WDFY4: variants seen among roughly 807,000 people sequenced by gnomAD.
The protein encoded by WDFY4 is WDFY family member 4.
In WDFY4, 169 loss-of-function variants were observed where a neutral mutation model predicts 351.9. That is an observed-to-expected ratio of 0.48 (90% CI 0.42 to 0.55). WDFY4 has a LOEUF of 0.55. Among genes scored for constraint, WDFY4 ranks in the 20% least tolerant of loss-of-function variants. The pLI is 0.00. For missense variants in WDFY4, 3,803 were observed against 3,935.6 expected, an observed-to-expected ratio of 0.97 and a Z score of 0.90; for synonymous variants, 1,622 against 1,574.6, an observed-to-expected ratio of 1.03 and a Z score of -0.71.
Position 48,800,674 on chromosome 10 carries a change from CTTTCTT to C in WDFY4, c.4411-2610_4411-2605del, listed in dbSNP as rs1565213624. 6.4e-4 allele frequency among the ~76,000 whole-genome samples: 31 copies of C among 48,196 alleles called. No individual in the cohort carries two copies. The East Asian group carries it at 0.046, about 72-fold the overall frequency. 31.6% of individuals were successfully genotyped at this position (48,196 alleles called of 152,430 possible). On this transcript the variant is annotated intron_variant, in intron 24 of 61. Transcript: ENST00000325239. ...GCTTCTAAGTCTTAGGTTTTGGTTT[CTTTCTT>C]TCTTTCTTTCTTTCTTTCTTTCTTT...
At chr10:48,947,619 G>T (rs1192911363) in intron 51 of WDFY4, among the ~76,000 whole-genome samples, 2 of 152,208 alleles carry the variant, frequency 1.3e-5, no homozygotes, top group African/African-American at 2.4e-5. Flanking sequence ...CCAGGTTGGT[G>T]TCCAAGGCAT....
At chr10:48,724,339 A>G (rs2064193417) in intron 5 of WDFY4, among the ~76,000 whole-genome samples, 1 of 152,074 alleles carries the variant, frequency 6.6e-6, no homozygotes, top group Non-Finnish European at 1.5e-5. Context: ...ACATGTCCAC[A>G]TTGGCATCCA....
chr10:48,937,208 A>T (rs1311060416), intron 47 of WDFY4, among the ~76,000 whole-genome samples: 2 of 152,152 alleles, frequency 1.3e-5, no homozygotes, highest in Non-Finnish European at 2.9e-5. Flanking sequence ...TCAGATTTTT[A>T]ACGTATGTAC....
intron 31 of WDFY4, 151 bp downstream of exon 31, chr10:48,814,233 A>T: frequency 1.4e-6 from 1 of 730,480 alleles, no homozygotes; most frequent in Non-Finnish European, 1.7e-6. Context: ...TCCTAGAGTG[A>T]CTCAGGGGCA....
In WDFY4 at chr10:48,897,610, C is replaced by T. The variant is rs978799550; in HGVS notation, c.7437+36C>T. The T allele has an allele frequency of 5.2e-6, 8 of 1,535,306 alleles. 1 individual carries two copies. In the South Asian group the frequency reaches 6.0e-5, roughly 11 times the overall value. On this transcript the variant is annotated intron_variant, in intron 45 of 61. Transcript: ENST00000325239. ...TGGGTGCTGGCACGCCTGGGGCCTG[C>T]GAGAGGCAGGGCCATGGGACAGGTG...
At chr10:48,833,328 C>A (rs751346525) in intron 39 of WDFY4, among the ~76,000 whole-genome samples, 7 of 152,100 alleles carry the variant, frequency 4.6e-5, no homozygotes, top group Admixed American at 1.3e-4. Flanking sequence ...GTGGTTGGTG[C>A]TGGCTTTAGT....
At chr10:48,922,506 G>T (rs1839174582) in intron 47 of WDFY4, among the ~76,000 whole-genome samples, 1 of 152,186 alleles carries the variant, frequency 6.6e-6, no homozygotes, top group Non-Finnish European at 1.5e-5. Context: ...CTGTGAAGTT[G>T]AGAACAGTAA....
intron 58 of WDFY4, among the ~76,000 whole-genome samples, chr10:48,976,285 C>T (rs1842564696): frequency 1.3e-5 from 2 of 152,218 alleles, no homozygotes; most frequent in Admixed American, 6.5e-5. Context: ...CAAATGTGAG[C>T]ATATCAGGAG....
chr10:48,848,228 A>G (rs945075788), intron 39 of WDFY4, among the ~76,000 whole-genome samples: 1 of 152,148 alleles, frequency 6.6e-6, no homozygotes, highest in Non-Finnish European at 1.5e-5. Flanking sequence ...GGGCTCACAT[A>G]AGGATAGTAT....
At chr10:48,856,416 A>G (rs1484524348) in intron 39 of WDFY4, among the ~76,000 whole-genome samples, 1 of 151,860 alleles carries the variant, frequency 6.6e-6, no homozygotes, top group East Asian at 1.9e-4. Context: ...CTATTAAAAT[A>G]CTCCTCTCTT....
At position 48,976,854 on chromosome 10, in the gene WDFY4, C is replaced by T. The variant is rs1297204348; in HGVS notation, c.9166C>T (p.Pro3056Ser). The change falls in exon 59 of 62, where the codon CCC becomes TCC. Residue 3056 changes from proline (P) to serine (S), a missense_variant. Transcript: ENST00000325239. ...GTCCCTGTGGAATGTCAATGGACAG[C>T]CCCTGGCCAGCATCACCACAGCCTG... ...HLSLWNVNGQ[P>S]LASITTAWGP... The T allele has an allele frequency of 1.3e-6, 2 of 1,535,062 alleles. No homozygotes were observed. The highest frequency in any genetic ancestry group is 5.1e-5 in the East Asian group (2 of 39,580).
chr10:48,855,692 T>C (rs1005207145), intron 39 of WDFY4, among the ~76,000 whole-genome samples: 1 of 152,184 alleles, frequency 6.6e-6, no homozygotes, highest in Admixed American at 6.5e-5. Context: ...AGACCCATTA[T>C]GTATAAACAT....
chr10:48,819,962 G>A lies in WDFY4; in HGVS notation c.5506-272G>A, dbSNP rs139799069. 1.1e-3 allele frequency among the ~76,000 whole-genome samples: 166 copies of A among 152,266 alleles called. 5 individuals are homozygous for A. The East Asian group carries it at 0.031, about 29-fold the overall frequency. ...GGAGATGTGAAGCAGCTTGCTCCTG[G>A]CACATTCTGGAGTTCATCATGAACA... On this transcript the variant is annotated intron_variant, in intron 32 of 61. Coordinates refer to ENST00000325239, the MANE Select transcript of WDFY4 (RefSeq NM_001394531.1).
At chr10:48,735,414 A>G (rs995233923) in intron 10 of WDFY4, among the ~76,000 whole-genome samples, 1 of 152,218 alleles carries the variant, frequency 6.6e-6, no homozygotes, top group African/African-American at 2.4e-5. Context: ...GAAAATTGTC[A>G]TTGGCTCTGG....
intron 12 of WDFY4, among the ~76,000 whole-genome samples, chr10:48,754,360 T>C (rs1177818122): frequency 6.6e-6 from 1 of 151,990 alleles, no homozygotes; most frequent in Non-Finnish European, 1.5e-5. Context: ...CTCTTCTCTT[T>C]GCTTGAAATG....
At chr10:48,969,855 T>A (rs1256488291) in intron 56 of WDFY4, among the ~76,000 whole-genome samples, 2 of 151,938 alleles carry the variant, frequency 1.3e-5, no homozygotes, top group Admixed American at 1.3e-4. Flanking sequence ...GCCCCACATG[T>A]CCTCCCTCCT....
chr10:48,928,314 G>A (rs1477034071), intron 47 of WDFY4, among the ~76,000 whole-genome samples: 7 of 151,806 alleles, frequency 4.6e-5, no homozygotes, highest in Non-Finnish European at 8.8e-5. Flanking sequence ...CCAAGGTCAG[G>A]GGAGGGCAAT....
At chr10:48,920,225 C>T (rs1386219361) in intron 47 of WDFY4, among the ~76,000 whole-genome samples, 1 of 152,084 alleles carries the variant, frequency 6.6e-6, no homozygotes, top group Non-Finnish European at 1.5e-5. Context: ...AAAGGCCCTT[C>T]CTTATCTGGC....
intron 7 of WDFY4, among the ~76,000 whole-genome samples, chr10:48,728,078 G>C (rs1453571797): frequency 1.3e-5 from 2 of 152,196 alleles, no homozygotes; most frequent in Non-Finnish European, 2.9e-5. Flanking sequence ...AGCTGCCCTT[G>C]GGTGGGCTTG....
Sources: allele counts gnomAD v4.1 joint callset (sites outside exome capture counted in the v4.1 genomes callset), GRCh38; gene constraint gnomAD v4.1.1; transcripts MANE v1.5; gene names NCBI Gene and HGNC (gene_info 2026-07-23, HGNC 2026-07-21).